The following KMT2A variants were observed in gnomAD, a reference collection of about 807,000 sequenced individuals.
The protein encoded by KMT2A is histone-lysine N-methyltransferase 2A.
Under a neutral mutation model 345.3 loss-of-function variants are expected in KMT2A, and 16 were observed. The ratio of observed to expected loss-of-function variants is 0.05; its 90% CI spans 0.03 to 0.07. The LOEUF is 0.07. KMT2A is among the 10% of genes least tolerant of loss of function. The probability of loss-of-function intolerance (pLI) is 1.00; values close to 1 mark genes in which losing one functional copy is unlikely to be tolerated. For missense variants in KMT2A, 3,272 were observed against 4,841.6 expected (o/e 0.68, Z 9.62); for synonymous variants, 1,599 against 1,778.6 (o/e 0.90, Z 2.54).
chr11:118,506,243 G>A lies in KMT2A; in HGVS notation c.10351G>A (p.Glu3451Lys), dbSNP rs139366882. The A allele has an allele frequency of 6.8e-6, 11 of 1,614,016 alleles. No individual in the cohort carries two copies. Among genetic ancestry groups the A allele is most frequent in the East Asian group, 4.5e-5 (2 of 44,892 alleles). ...TAASPSGEAD[E>K]HYQLQHVNQL... Reference sequence around the variant, plus strand: ...CGCTTCACCTTCTGGGGAAGCAGACGAACACTATCAGCTTCAGCATGTGAA... The same window carrying A: ...CGCTTCACCTTCTGGGGAAGCAGACAAACACTATCAGCTTCAGCATGTGAA... The change falls in exon 27 of 36, where the codon GAA becomes AAA. Residue 3451 changes from glutamate (E) to lysine (K), a missense_variant. By Grantham distance (56) the Glu-to-Lys change is moderately conservative. Around this residue, in one of 27 missense-constraint regions of KMT2A, gnomAD observed 748 missense variants for 922.2 expected, o/e 0.81. Coordinates refer to ENST00000534358, the MANE Select transcript of KMT2A (RefSeq NM_001197104.2).
chr11:118,474,456 C>A, intron 3 of KMT2A, 141 bp downstream of exon 3: 1 of 1,016,700 alleles, frequency 9.8e-7, no homozygotes, highest in South Asian at 1.7e-5. Context: ...TTGCAGTAGT[C>A]CTTCAAGGAC....
In KMT2A at chr11:118,494,722, G is replaced by A. The variant is rs1555043459; in HGVS notation, c.5318G>A (p.Ser1773Asn). The change falls in exon 18 of 36, where the codon AGT (serine) becomes AAT (asparagine). Residue 1773 changes from serine (S) to asparagine (N), a missense_variant. Ser to Asn is a conservative substitution (Grantham distance 46, BLOSUM62 1). Coordinates refer to ENST00000534358, the MANE Select transcript of KMT2A (RefSeq NM_001197104.2). The surrounding 1 kb of genome is among the most constrained non-coding windows in gnomAD (Gnocchi z 5.8). ...RQMERVFPWFSVKKSRFWEPN... is the reference protein window; with the variant it reads ...RQMERVFPWFNVKKSRFWEPN... ...ATGGAACGTGTTTTTCCATGGTTCA[G>A]TGTCAAAAAGTCCAGGTTTTGGGAG... 1.9e-6 allele frequency: 3 copies of A among 1,614,038 alleles called. 1 individual carries two copies. The South Asian group carries it at 3.3e-5, about 18-fold the overall frequency.
At chr11:118,449,840 CA>C (rs1949498166) in intron 1 of KMT2A, 1 of 152,010 alleles carries the variant, frequency 6.6e-6, no homozygotes, top group Non-Finnish European at 1.5e-5. Context: ...ACTTTTGCGC[CA>C]GAATAAGAAC....
intron 1 of KMT2A, among the ~76,000 whole-genome samples, chr11:118,446,494 A>T (rs552104331): frequency 1.3e-5 from 2 of 152,336 alleles, no homozygotes; most frequent in Admixed American, 1.3e-4. Flanking sequence ...CAGGGCTAGA[A>T]TTTAAATCTG....
chr11:118,503,687 A>C lies in KMT2A; in HGVS notation c.7795A>C (p.Arg2599=), dbSNP rs1950537933. The change falls in exon 27 of 36, where the codon AGA becomes CGA. Residue 2599 remains arginine, a synonymous_variant. Coordinates refer to ENST00000534358, the MANE Select transcript of KMT2A (RefSeq NM_001197104.2). The surrounding 1 kb of genome is among the most constrained non-coding windows in gnomAD (Gnocchi z 5.3). ...NNYQNLPVQD[R]NLMLPDGPKP... Reference sequence around the variant, plus strand: ...CTATCAGAATCTTCCAGTACAGGACAGAAACCTAATGCTTCCAGATGGCCC... The same window carrying C: ...CTATCAGAATCTTCCAGTACAGGACCGAAACCTAATGCTTCCAGATGGCCC... 4 of 1,614,238 alleles carry C rather than the reference A, an allele frequency of 2.5e-6. No homozygotes were observed. In the East Asian group the frequency reaches 8.9e-5, roughly 36 times the overall value.
intron 1 of KMT2A, among the ~76,000 whole-genome samples, chr11:118,454,001 A>ATC (rs1368309797): frequency 6.6e-6 from 1 of 152,132 alleles, no homozygotes; most frequent in Non-Finnish European, 1.5e-5. Flanking sequence ...CACATCTCAC[A>ATC]TCTATCCCAT....
intron 1 of KMT2A, among the ~76,000 whole-genome samples, chr11:118,437,717 A>AT (rs1949224324): frequency 6.8e-6 from 1 of 146,080 alleles, no homozygotes; most frequent in South Asian, 2.2e-4. Context: ...TTTCTAGCCT[A>AT]TTGGTAGCCG....
chr11:118,513,509 G>T (rs1279934838), intron 31 of KMT2A, among the ~76,000 whole-genome samples: 1 of 151,780 alleles, frequency 6.6e-6, no homozygotes, highest in Non-Finnish European at 1.5e-5. Context: ...TTATGTGACA[G>T]GTACATGCAT....
At chr11:118,483,231 CCA>C in intron 8 of KMT2A, among the ~76,000 whole-genome samples, 1 of 137,590 alleles carries the variant, frequency 7.3e-6, no homozygotes. Context: ...AGACTCCATC[CCA>C]AAAAAAAAAA....
At chr11:118,481,432 C>T (rs1032380111) in intron 6 of KMT2A, among the ~76,000 whole-genome samples, 2 of 152,150 alleles carry the variant, frequency 1.3e-5, no homozygotes, top group African/African-American at 2.4e-5. Context: ...GATAGGATCT[C>T]GTTCTTTTTT....
chr11:118,501,284 C>A, intron 25 of KMT2A, 137 bp downstream of exon 25: 1 of 729,668 alleles, frequency 1.4e-6, no homozygotes, highest in Non-Finnish European at 2.2e-6. Context: ...ATGGTGAAAC[C>A]CCATCTCTAC....
chr11:118,461,396 A>C (rs150026749), intron 1 of KMT2A, among the ~76,000 whole-genome samples: 47 of 152,354 alleles, frequency 3.1e-4, no homozygotes, highest in Middle Eastern at 3.4e-3. Context: ...GTGACATTAC[A>C]TAGCTTAATT....
At position 118,478,211 on chromosome 11, in the gene KMT2A, T is replaced by C. The variant is rs1591381205; in HGVS notation, c.3569+10T>C. ...AGAAGCAGTGCTGCAAGTAAGTGGG[T>C]GTTTCACTCTGAGATGTTGACCTCT... On this transcript the variant is annotated intron_variant, in intron 5 of 35. Transcript: ENST00000534358. 1 of 1,599,252 alleles carries C rather than the reference T, an allele frequency of 6.3e-7. No individual in the cohort carries two copies. Among genetic ancestry groups the C allele is most frequent in the Admixed American group, 1.7e-5 (1 of 59,690 alleles).
chr11:118,488,583 A>G (rs2090787242), intron 10 of KMT2A, 31 bp from the exon 11 acceptor site: 2 of 1,610,404 alleles, frequency 1.2e-6, no homozygotes, highest in Non-Finnish European at 8.5e-7. Flanking sequence ...ATTATTTGAC[A>G]TACTTCTATC....
In KMT2A at chr11:118,503,412, A is replaced by T; in HGVS notation, c.7520A>T (p.Gln2507Leu). The change falls in exon 27 of 36, where the codon CAA becomes CTA. Residue 2507 changes from glutamine (Q) to leucine (L), a missense_variant. Physicochemically the swap from Gln to Leu is moderately radical, Grantham distance 113. Transcript: ENST00000534358. This position sits in a 1 kb window ranked among gnomAD's most constrained non-coding sequence, Gnocchi z 5.3. ...MPGVPKAPPM[Q>L]VEGSAKELQA... ...GGAGTCCCCAAAGCTCCACCCATGC[A>T]AGTAGAAGGATCTGCCAAGGAATTA... 6.2e-7 allele frequency: 1 copy of T among 1,614,102 alleles called. No individual in the cohort carries two copies. The highest frequency in any genetic ancestry group is 1.1e-5 in the South Asian group (1 of 91,078).
intron 31 of KMT2A, among the ~76,000 whole-genome samples, chr11:118,519,092 A>AG (rs1246582280): frequency 1.3e-5 from 2 of 151,336 alleles, no homozygotes; most frequent in East Asian, 1.9e-4. Flanking sequence ...AAAAAAAAAA[A>AG]AAAAAAAGAA....
chr11:118,491,341 TTTC>T lies in KMT2A; in HGVS notation c.4819+29_4819+31del, dbSNP rs1555042432. On this transcript the variant is annotated intron_variant, in intron 14 of 35. Coordinates refer to ENST00000534358, the MANE Select transcript of KMT2A (RefSeq NM_001197104.2). The surrounding 1 kb of genome is among the most constrained non-coding windows in gnomAD (Gnocchi z 4.2). ...AAGGTTGGAGTCTTTTTATTTCAGTTTTCTTCTTTCTAGGTACTACTACATTTA... is the reference window on the plus strand; with the variant it reads ...AAGGTTGGAGTCTTTTTATTTCAGTTTTCTTTCTAGGTACTACTACATTTA... 1.2e-6 allele frequency: 2 copies of T among 1,609,482 alleles called. No homozygotes were observed. The highest frequency in any genetic ancestry group is 3.4e-5 in the Admixed American group (2 of 59,086).
intron 1 of KMT2A, among the ~76,000 whole-genome samples, chr11:118,446,481 T>G (rs994067935): frequency 1.2e-4 from 19 of 152,354 alleles, no homozygotes; most frequent in African/African-American, 4.6e-4. Context: ...GGCTAGTAAG[T>G]GGCAGGGCTA....
At chr11:118,439,158 C>CAAAAAAAAAAAAAAAGAAAAAAA in intron 1 of KMT2A, 2 of 265,448 alleles carry the variant, frequency 7.5e-6, no homozygotes, top group Non-Finnish European at 7.5e-6. Context: ...GATACAGCAG[C>CAAAAAAAAAAAAAAAGAAAAAAA]AAAAAAAAAA....
Sources: gnomAD v4.1 joint callset for allele counts (sites outside exome capture counted in the v4.1 genomes callset) on GRCh38, gnomAD v4.1.1 for gene constraint, gnomAD v4.1.1 regional missense constraint, Gnocchi (gnomAD v3.1) non-coding constraint, MANE v1.5 for transcripts, NCBI Gene and HGNC (gene_info 2026-07-23, HGNC 2026-07-21) for gene names.